The following STRN variants were observed in gnomAD, a reference collection of about 807,000 sequenced individuals.
STRN encodes striatin, also known as protein phosphatase 2 regulatory subunit B'''alpha.
In STRN, 53 loss-of-function variants were observed where a neutral mutation model predicts 96.3. The observed-to-expected ratio is 0.55, with a 90% CI of 0.44 to 0.69. The LOEUF (loss-of-function observed/expected upper bound fraction) is 0.69. STRN is among the 30% of genes least tolerant of loss of function. The pLI, the probability that STRN is intolerant of heterozygous loss-of-function variation, is 0.00. For missense variants in STRN, 987 were observed against 963.9 expected, an observed-to-expected ratio of 1.02 and a Z score of -0.32; for synonymous variants, 428 against 355.9, an observed-to-expected ratio of 1.20 and a Z score of -2.28.
In STRN at chr2:36,914,898, A is replaced by G. The variant is rs577650564; in HGVS notation, c.412+1180T>C. 1.9e-4 allele frequency among the ~76,000 whole-genome samples: 29 copies of G among 152,212 alleles called. No individual in the cohort carries two copies. In the South Asian group the frequency reaches 6.0e-3, roughly 32 times the overall value. On this transcript the variant is annotated intron_variant, in intron 3 of 17. Coordinates refer to ENST00000263918, the MANE Select transcript of STRN (RefSeq NM_003162.4). ...TACTTTACCGAATAACCACTTTAAAATTTAAAGTGAATATGCGGCCGGGCG... is the reference window on the plus strand; with the variant it reads ...TACTTTACCGAATAACCACTTTAAAGTTTAAAGTGAATATGCGGCCGGGCG...
rs964475800 is a variant in STRN at position 36,839,468 on chromosome 2, G to C, written c.*9988C>G. On this transcript the variant is annotated 3_prime_UTR_variant, in exon 18 of 18. Transcript: ENST00000263918. ...CCTGATGTTCTAGAAGCTATCAGGA[G>C]TGTGACCGAACTACATGACCAGAAG... Among the ~76,000 whole-genome samples the C allele has an allele frequency of 2.6e-5, 4 of 152,194 alleles. No homozygotes were observed. The highest frequency in any genetic ancestry group is 9.6e-5 in the African/African-American group (4 of 41,464).
intron 15 of STRN, among the ~76,000 whole-genome samples, chr2:36,852,427 C>T (rs908584933): frequency 6.6e-6 from 1 of 151,988 alleles, no homozygotes; most frequent in African/African-American, 2.4e-5. Flanking sequence ...GTTAAGTTTC[C>T]GGATTTTGAT....
rs937080726 is a variant in STRN at position 36,840,685 on chromosome 2, C to T, written c.*8771G>A. On this transcript the variant is annotated 3_prime_UTR_variant, in exon 18 of 18. Transcript: ENST00000263918. Reference sequence around the variant, plus strand: ...AGTGCTAAGAGGAACATAAGAAAAACGAACATGGTCTGTGCCTTAGGGAGC... The same window carrying T: ...AGTGCTAAGAGGAACATAAGAAAAATGAACATGGTCTGTGCCTTAGGGAGC... The T allele has an allele frequency of 1.1e-4, 17 of 151,820 alleles. No homozygotes were observed. Among genetic ancestry groups the T allele is most frequent in the African/African-American group, 3.6e-4 (15 of 41,314 alleles). The allele number at this position is 151,820 out of a possible 1,614,324, so 9.4% of individuals were successfully genotyped here.
chr2:36,903,799 G>A (rs534519954), intron 4 of STRN, among the ~76,000 whole-genome samples: 136 of 152,176 alleles, frequency 8.9e-4, no homozygotes, highest in African/African-American at 2.9e-3. Flanking sequence ...GAAAGGTCTC[G>A]ATTAAAATTT....
intron 10 of STRN, among the ~76,000 whole-genome samples, chr2:36,875,483 G>A (rs1668879075): frequency 7.0e-6 from 1 of 142,662 alleles, no homozygotes; most frequent in African/African-American, 2.7e-5. Context: ...TCCATCCTGG[G>A]CAGCAGAGTG....
At chr2:36,950,976 A>G (rs1664739513) in intron 1 of STRN, among the ~76,000 whole-genome samples, 1 of 152,212 alleles carries the variant, frequency 6.6e-6, no homozygotes, top group South Asian at 2.1e-4. Context: ...ATATCATAAG[A>G]TATTGGTAAT....
chr2:36,895,523 C>G (rs1033096637), intron 6 of STRN, among the ~76,000 whole-genome samples: 4 of 152,070 alleles, frequency 2.6e-5, no homozygotes, highest in Non-Finnish European at 5.9e-5. Flanking sequence ...AGACTGGGAA[C>G]AGAAAACCCG....
chr2:36,854,250 T>C (rs1193145537), intron 15 of STRN, among the ~76,000 whole-genome samples: 1 of 152,242 alleles, frequency 6.6e-6, no homozygotes, highest in Non-Finnish European at 1.5e-5. Flanking sequence ...AACATGATTT[T>C]AAATTTATTG....
chr2:36,888,061 G>A (rs1264889266), intron 7 of STRN, among the ~76,000 whole-genome samples: 1 of 152,068 alleles, frequency 6.6e-6, no homozygotes, highest in Admixed American at 6.6e-5. Flanking sequence ...CACCTTATTT[G>A]ATGACAATTC....
At position 36,845,607 on chromosome 2, in the gene STRN, C is replaced by G. The variant is rs1422774688; in HGVS notation, c.*3849G>C. 2.0e-5 allele frequency: 3 copies of G among 152,030 alleles called. No homozygotes were observed. Among genetic ancestry groups the G allele is most frequent in the Non-Finnish European group, 4.4e-5 (3 of 67,998 alleles). 9.4% of individuals were successfully genotyped at this position (152,030 alleles called of 1,614,324 possible). ...ATATATGAAGTATTAAAAAGTGAGC[C>G]TTTAAAAAATTACATTTACTTAGCC... is the stretch of plus-strand genomic sequence containing the variant. On this transcript the variant is annotated 3_prime_UTR_variant, in exon 18 of 18. Coordinates refer to ENST00000263918, the MANE Select transcript of STRN (RefSeq NM_003162.4).
chr2:36,872,439 C>CTT (rs1211002412), intron 10 of STRN, among the ~76,000 whole-genome samples: 1 of 152,208 alleles, frequency 6.6e-6, no homozygotes, highest in African/African-American at 2.4e-5. Context: ...TGGCCAACAT[C>CTT]TTGATTGCAA....
chr2:36,908,434 C>T (rs749602047), intron 3 of STRN, among the ~76,000 whole-genome samples: 9 of 152,110 alleles, frequency 5.9e-5, no homozygotes, highest in Non-Finnish European at 1.2e-4. Context: ...AATCGAAAGG[C>T]TACAATCTGT....
At chr2:36,953,334 A>C (rs1664805029) in intron 1 of STRN, among the ~76,000 whole-genome samples, 1 of 151,868 alleles carries the variant, frequency 6.6e-6, no homozygotes, top group South Asian at 2.1e-4. Flanking sequence ...TTCTGTAACA[A>C]ATTTTCCTTC....
chr2:36,916,109 C>T lies in STRN; in HGVS notation c.381G>A (p.Gln127=). 1 of 1,613,636 alleles carries T rather than the reference C, an allele frequency of 6.2e-7. No individual in the cohort carries two copies. The part of the protein sequence containing the change: ...HKLKYGTELN[Q]GDMKPPSYDS... The stretch of plus-strand genomic sequence containing the variant: ...CATAGCTTGGAGGCTTCATATCTCC[C>T]TGATTCAATTCTGTCCCGTATTTCA... The change falls in exon 3 of 18, where the codon CAG becomes CAA. Residue 127 remains glutamine, a synonymous_variant. Transcript: ENST00000263918.
intron 1 of STRN, among the ~76,000 whole-genome samples, chr2:36,961,510 C>T (rs1287908743): frequency 1.3e-5 from 2 of 152,108 alleles, no homozygotes; most frequent in Non-Finnish European, 2.9e-5. Flanking sequence ...GTTGGCTCTA[C>T]CTTTAAAAAT....
At chr2:36,962,481 A>C (rs11904023) in intron 1 of STRN, among the ~76,000 whole-genome samples, 26,381 of 151,046 alleles carry the variant, frequency 0.17, 2,451 homozygotes, top group South Asian at 0.24. Context: ...AAAGTTCTTT[A>C]CTCCTGCTAT....
At chr2:36,873,918 G>A (rs1018091364) in intron 10 of STRN, among the ~76,000 whole-genome samples, 3 of 143,102 alleles carry the variant, frequency 2.1e-5, no homozygotes, top group African/African-American at 7.8e-5. Context: ...ACTCCAGTCT[G>A]GCGACAAAGC....
At chr2:36,851,140 T>C in intron 15 of STRN, 33 bp from the exon 16 acceptor site, 1 of 1,528,436 alleles carries the variant, frequency 6.5e-7, no homozygotes, top group Non-Finnish European at 9.0e-7. Context: ...CAACACAACT[T>C]AGTCAAAGAT....
intron 7 of STRN, 143 bp downstream of exon 7, chr2:36,893,755 C>A (rs1240438659): frequency 2.2e-6 from 2 of 928,696 alleles, no homozygotes; most frequent in Non-Finnish European, 1.5e-6. Context: ...CACACATTCA[C>A]CCTGGATAAA....
Sources: gnomAD v4.1 joint callset for allele counts (sites outside exome capture counted in the v4.1 genomes callset) on GRCh38, gnomAD v4.1.1 for gene constraint, MANE v1.5 for transcripts, NCBI Gene and HGNC (gene_info 2026-07-23, HGNC 2026-07-21) for gene names.